The following MTUS2 variants were observed in gnomAD, a reference collection of about 807,000 sequenced individuals.
MTUS2 encodes microtubule-associated tumor suppressor candidate 2.
Under a neutral mutation model 114.1 loss-of-function variants are expected in MTUS2, and 40 were observed. The ratio of observed to expected loss-of-function variants is 0.35; its 90% CI spans 0.27 to 0.46. The LOEUF is 0.46. Ranked by LOEUF, MTUS2 falls within the 20% of genes least tolerant of loss-of-function variation. The pLI, the probability that MTUS2 is intolerant of heterozygous loss-of-function variation, is 1.00. For missense variants in MTUS2, 1,679 were observed against 1,705.4 expected (o/e 0.98, Z 0.27); for synonymous variants, 688 against 672.0 (o/e 1.02, Z -0.37).
intron 9 of MTUS2, among the ~76,000 whole-genome samples, chr13:29,442,839 T>C (rs1002735076): frequency 6.6e-6 from 1 of 152,216 alleles, no homozygotes; most frequent in Non-Finnish European, 1.5e-5. Context: ...TGAAAGATGC[T>C]TATGAGTTAT....
intron 5 of MTUS2, among the ~76,000 whole-genome samples, chr13:29,210,940 C>T (rs113213612): frequency 1.6e-4 from 24 of 152,090 alleles, no homozygotes; most frequent in East Asian, 5.8e-4. Flanking sequence ...GAGTCTCAGC[C>T]GCAGTAGTGT....
At chr13:29,322,594 A>G (rs868056804) in intron 6 of MTUS2, among the ~76,000 whole-genome samples, 2 of 152,290 alleles carry the variant, frequency 1.3e-5, no homozygotes, top group Middle Eastern at 3.4e-3. Context: ...TTGGGCAGTG[A>G]CAAATGCTGT....
intron 2 of MTUS2, among the ~76,000 whole-genome samples, chr13:28,963,370 AAAC>A (rs1283619863): frequency 2.6e-5 from 4 of 152,180 alleles, no homozygotes; most frequent in African/African-American, 9.7e-5. Flanking sequence ...AAACAAAACA[AAAC>A]AAAAAAAGAA....
chr13:28,822,358 C>G (rs191039641), intron 1 of MTUS2, among the ~76,000 whole-genome samples: 1 of 152,050 alleles, frequency 6.6e-6, no homozygotes, highest in Non-Finnish European at 1.5e-5. Context: ...AGGAGGATGC[C>G]GAAACCCACT....
At chr13:29,383,024 TTGAG>T (rs1235672529) in intron 8 of MTUS2, among the ~76,000 whole-genome samples, 3 of 152,040 alleles carry the variant, frequency 2.0e-5, no homozygotes, top group African/African-American at 2.4e-5. Flanking sequence ...AGGTTGTAGA[TTGAG>T]TGTAGATTGC....
chr13:29,035,935 A>C (rs1887042621), intron 4 of MTUS2, among the ~76,000 whole-genome samples: 1 of 152,188 alleles, frequency 6.6e-6, no homozygotes, highest in Non-Finnish European at 1.5e-5. Flanking sequence ...GCTGGAGGCC[A>C]GGAGTTTGAG....
chr13:29,491,765 T>G (rs1279594069), intron 11 of MTUS2, among the ~76,000 whole-genome samples: 1 of 145,230 alleles, frequency 6.9e-6, no homozygotes, highest in African/African-American at 2.6e-5. Flanking sequence ...GTGTGGTATG[T>G]GTGTGATGTA....
At position 29,164,579 on chromosome 13, in the gene MTUS2, C is replaced by T. The variant is rs566062278; in HGVS notation, c.2644+63609C>T. 1.4e-4 allele frequency among the ~76,000 whole-genome samples: 22 copies of T among 152,304 alleles called. No homozygotes were observed. The South Asian group carries it at 4.6e-3, about 32-fold the overall frequency. ...ATCATGTGATATAATTTGAGGTATT[C>T]TGATCCTTCATCTAGGGATGATGTA... On this transcript the variant is annotated intron_variant, in intron 5 of 15. Coordinates refer to ENST00000612955, the MANE Select transcript of MTUS2 (RefSeq NM_001033602.4).
At chr13:29,483,469 GT>G (rs11303257) in intron 10 of MTUS2, among the ~76,000 whole-genome samples, 4,296 of 150,606 alleles carry the variant, frequency 0.029, 135 homozygotes, top group African/African-American at 0.078. Flanking sequence ...TGGAGAACTG[GT>G]TAGAACACCG....
chr13:28,967,290 A>T (rs551165522), intron 2 of MTUS2, among the ~76,000 whole-genome samples: 6 of 152,258 alleles, frequency 3.9e-5, no homozygotes, highest in African/African-American at 1.2e-4. Flanking sequence ...CCATTTTACT[A>T]TTTATATTGC....
At chr13:29,254,323 G>A (rs1897225862) in intron 5 of MTUS2, among the ~76,000 whole-genome samples, 1 of 152,250 alleles carries the variant, frequency 6.6e-6, no homozygotes, top group Non-Finnish European at 1.5e-5. Context: ...CGAACAAACA[G>A]GCACACAGGA....
At chr13:29,010,754 C>T (rs1043250169) in intron 2 of MTUS2, among the ~76,000 whole-genome samples, 15 of 152,096 alleles carry the variant, frequency 9.9e-5, no homozygotes, top group African/African-American at 3.4e-4. Context: ...TTCTCCTACC[C>T]CATCAGAACT....
chr13:29,494,815 G>A (rs1243658962), intron 12 of MTUS2, among the ~76,000 whole-genome samples: 1 of 152,034 alleles, frequency 6.6e-6, no homozygotes, highest in Admixed American at 6.5e-5. Context: ...GAGGGGGGCA[G>A]ATCACCTGAG....
rs576435712 is a variant in MTUS2, at chr13:28,872,138, G to T, written c.-243+32288G>T. 4.6e-5 allele frequency among the ~76,000 whole-genome samples: 7 copies of T among 152,294 alleles called. No homozygotes were observed. In the East Asian group the frequency reaches 1.4e-3, roughly 29 times the overall value. On this transcript the variant is annotated intron_variant, in intron 2 of 15. Transcript: ENST00000612955. ...GTATTAGACTGTAAGGAGCCCAGCT[G>T]GGAGGCTCCTGGAGAAGGAGTCTGG...
chr13:29,091,338 C>T (rs948115868), intron 4 of MTUS2, among the ~76,000 whole-genome samples: 3 of 152,128 alleles, frequency 2.0e-5, no homozygotes, highest in African/African-American at 7.2e-5. Flanking sequence ...CAGTGTGCCA[C>T]AAGGGTGCCA....
intron 5 of MTUS2, among the ~76,000 whole-genome samples, chr13:29,201,456 T>C (rs1011759123): frequency 5.3e-5 from 8 of 152,226 alleles, no homozygotes; most frequent in Non-Finnish European, 7.3e-5. Flanking sequence ...CTTGACTCTT[T>C]ATCCAATTTA....
At chr13:29,393,650 T>TC (rs1294920286) in intron 8 of MTUS2, among the ~76,000 whole-genome samples, 3 of 152,160 alleles carry the variant, frequency 2.0e-5, no homozygotes, top group African/African-American at 7.2e-5. Flanking sequence ...GAGACAAGTC[T>TC]CAGTCAATTT....
intron 2 of MTUS2, among the ~76,000 whole-genome samples, chr13:28,932,138 C>T (rs934714223): frequency 2.6e-5 from 4 of 151,944 alleles, no homozygotes; most frequent in Non-Finnish European, 4.4e-5. Context: ...CTGCAGCTCA[C>T]TGACCAATGG....
intron 2 of MTUS2, 49 bp downstream of exon 2, chr13:28,839,899 G>A (rs936672868): frequency 6.6e-6 from 1 of 151,070 alleles, no homozygotes; most frequent in Admixed American, 6.6e-5. Flanking sequence ...TTCTATTTGG[G>A]CCTGTGATTG....
Sources: gnomAD v4.1 joint callset for allele counts (sites outside exome capture counted in the v4.1 genomes callset) on GRCh38, gnomAD v4.1.1 for gene constraint, MANE v1.5 for transcripts, NCBI Gene and HGNC (gene_info 2026-07-23, HGNC 2026-07-21) for gene names.